Variants in SULF2 observed in about 807,000 individuals in gnomAD.
SULF2 encodes the protein extracellular sulfatase Sulf-2.
Under a neutral mutation model 107.7 loss-of-function variants are expected in SULF2, and 52 were observed. The observed-to-expected ratio is 0.48, with a 90% CI of 0.39 to 0.61. SULF2 has a LOEUF of 0.61. Ranked by LOEUF, SULF2 falls within the 20% of genes least tolerant of loss-of-function variation. The pLI, the probability that SULF2 is intolerant of heterozygous loss-of-function variation, is 0.00. For missense variants in SULF2, 993 were observed against 1,177.3 expected, an observed-to-expected ratio of 0.84 and a Z score of 2.29; for synonymous variants, 460 against 464.3, an observed-to-expected ratio of 0.99 and a Z score of 0.12.
chr20:47,748,808 G>C (rs993400842), intron 2 of SULF2, among the ~76,000 whole-genome samples: 1 of 152,208 alleles, frequency 6.6e-6, no homozygotes, highest in East Asian at 1.9e-4. Flanking sequence ...CTGGGTTCCA[G>C]TAACCTCTTG....
intron 4 of SULF2, among the ~76,000 whole-genome samples, chr20:47,702,105 C>T (rs960629410): frequency 1.2e-4 from 19 of 152,088 alleles, no homozygotes; most frequent in African/African-American, 3.6e-4. Context: ...TCACCTAGGC[C>T]GAAGAGCAGT....
chr20:47,660,855 AG>A (rs1415817718), intron 18 of SULF2, among the ~76,000 whole-genome samples: 1 of 152,186 alleles, frequency 6.6e-6, no homozygotes, highest in Non-Finnish European at 1.5e-5. Flanking sequence ...AACAAAACTC[AG>A]GATTTACCTG....
chr20:47,699,232 C>T (rs946037842), intron 4 of SULF2, among the ~76,000 whole-genome samples: 1 of 152,044 alleles, frequency 6.6e-6, no homozygotes. Flanking sequence ...ATTGGGTCAT[C>T]TGTTTTCATT....
At chr20:47,767,366 C>T (rs1036484027) in intron 1 of SULF2, among the ~76,000 whole-genome samples, 4 of 152,304 alleles carry the variant, frequency 2.6e-5, no homozygotes, top group East Asian at 1.9e-4. Context: ...AGTCTGAGGC[C>T]GGGTGTGGCG....
chr20:47,657,785 T>C lies in SULF2; in HGVS notation c.*577A>G, dbSNP rs879118188. ...GATTACATGTAAATAGTCACATATA[T>C]ACAATGAAGGCAGTTTCTTCAGAGG... On this transcript the variant is annotated 3_prime_UTR_variant, in exon 21 of 21. Coordinates refer to ENST00000688720, the MANE Select transcript of SULF2 (RefSeq NM_001387048.1). The C allele has an allele frequency of 6.5e-6, 1 of 154,238 alleles. No homozygotes were observed. Among genetic ancestry groups the C allele is most frequent in the Non-Finnish European group, 1.4e-5 (1 of 69,356 alleles). The allele number at this position is 154,238 out of a possible 1,614,324, so 9.6% of individuals were successfully genotyped here. A position where few individuals can be genotyped will look rare whatever the true frequency, so the allele number is the denominator to read the frequency against.
chr20:47,666,580 G>A lies in SULF2; in HGVS notation c.1577-92C>T, dbSNP rs954444129. 1.9e-6 allele frequency: 2 copies of A among 1,029,662 alleles called. No homozygotes were observed. Among genetic ancestry groups the A allele is most frequent in the African/African-American group, 1.6e-5 (1 of 63,284 alleles). 63.8% of individuals were successfully genotyped at this position (1,029,662 alleles called of 1,614,324 possible). On this transcript the variant is annotated intron_variant, in intron 11 of 20. Transcript: ENST00000688720. This position sits in a 1 kb window ranked among gnomAD's most constrained non-coding sequence, Gnocchi z 5.4. ...GGGTCCTTCATCAAGATAGGGCCGGGCTTCCAAGCATGAGGCTCAGCTTTG... is the reference window on the plus strand; with the variant it reads ...GGGTCCTTCATCAAGATAGGGCCGGACTTCCAAGCATGAGGCTCAGCTTTG...
chr20:47,713,455 G>A (rs1322252724), intron 3 of SULF2, among the ~76,000 whole-genome samples: 1 of 152,166 alleles, frequency 6.6e-6, no homozygotes, highest in Non-Finnish European at 1.5e-5. Context: ...CGACAGGGTT[G>A]CAGTGTGGCT....
At chr20:47,763,090 C>T (rs1330135330) in intron 1 of SULF2, among the ~76,000 whole-genome samples, 1 of 152,046 alleles carries the variant, frequency 6.6e-6, no homozygotes, top group East Asian at 1.9e-4. Context: ...CGAGAGAGCA[C>T]CCAGTGAACT....
At chr20:47,733,500 C>T (rs4810673) in intron 3 of SULF2, among the ~76,000 whole-genome samples, 52,072 of 152,168 alleles carry the variant, frequency 0.34, 10,645 homozygotes, top group African/African-American at 0.58. Flanking sequence ...GGGCCGGGTG[C>T]GTTGGCTCAT....
At chr20:47,679,099 G>A (rs1372396723) in intron 7 of SULF2, among the ~76,000 whole-genome samples, 2 of 150,306 alleles carry the variant, frequency 1.3e-5, no homozygotes, top group Middle Eastern at 3.4e-3. Flanking sequence ...GAGTGAAGGC[G>A]ACCCCCCCTT....
chr20:47,741,821 A>G (rs2089889634), intron 2 of SULF2, among the ~76,000 whole-genome samples: 1 of 152,234 alleles, frequency 6.6e-6, no homozygotes, highest in Admixed American at 6.5e-5. Flanking sequence ...AAGGGAACGC[A>G]GGGCAGGCCG....
intron 4 of SULF2, among the ~76,000 whole-genome samples, chr20:47,695,767 C>T (rs1049764632): frequency 6.6e-6 from 1 of 152,196 alleles, no homozygotes; most frequent in Non-Finnish European, 1.5e-5. Context: ...CATGTGCCAC[C>T]ATGTCCAGCT....
At chr20:47,777,087 A>G (rs1284235805) in intron 1 of SULF2, among the ~76,000 whole-genome samples, 1 of 152,220 alleles carries the variant, frequency 6.6e-6, no homozygotes, top group Non-Finnish European at 1.5e-5. Context: ...CTTGCTTTTT[A>G]GTGAGGAGAG....
chr20:47,746,897 A>G (rs955518873), intron 2 of SULF2, among the ~76,000 whole-genome samples: 6 of 151,704 alleles, frequency 4.0e-5, no homozygotes, highest in African/African-American at 9.7e-5. Context: ...TGACGAGTTA[A>G]CGGGTGCAGC....
chr20:47,780,909 G>C (rs1465213246), intron 1 of SULF2, among the ~76,000 whole-genome samples: 5 of 152,290 alleles, frequency 3.3e-5, no homozygotes, highest in Non-Finnish European at 2.9e-5. Context: ...AGACAAAGAG[G>C]CCCACGCTCC....
intron 3 of SULF2, among the ~76,000 whole-genome samples, chr20:47,716,437 G>C (rs6122607): frequency 0.14 from 21,658 of 152,048 alleles, 1,782 homozygotes; most frequent in East Asian, 0.25. Context: ...CCCAGGAGGT[G>C]GAGGTTGCAG....
chr20:47,756,882 G>A (rs2090302113), intron 2 of SULF2, among the ~76,000 whole-genome samples: 2 of 152,116 alleles, frequency 1.3e-5, no homozygotes, highest in African/African-American at 4.8e-5. Flanking sequence ...CTGACTTCAG[G>A]TGATCCACCT....
Position 47,678,311 on chromosome 20 carries a change from T to C in SULF2, c.1193+365A>G, listed in dbSNP as rs1331589226. The C allele has an allele frequency of 5.7e-6, 1 of 175,608 alleles. No homozygotes were observed. The highest frequency in any genetic ancestry group is 2.3e-3 in the Middle Eastern group (1 of 436). 10.9% of individuals were successfully genotyped at this position (175,608 alleles called of 1,614,324 possible). On this transcript the variant is annotated intron_variant, in intron 8 of 20. Coordinates refer to ENST00000688720, the MANE Select transcript of SULF2 (RefSeq NM_001387048.1). The surrounding 1 kb of genome is among the most constrained non-coding windows in gnomAD (Gnocchi z 4.5). ...GATGATAATGTCCACCTCGCTGGGT[T>C]ACTGTGAGGATCAAATTCCTAGATT... is the stretch of plus-strand genomic sequence containing the variant.
intron 10 of SULF2, 99 bp from the exon 11 acceptor site, chr20:47,672,492 T>A (rs2087511926): frequency 6.9e-7 from 1 of 1,449,820 alleles, no homozygotes; most frequent in Non-Finnish European, 9.1e-7. Flanking sequence ...TCCCTCTCCC[T>A]GCTTGCATCC....
Sources: gnomAD v4.1 joint callset for allele counts (sites outside exome capture counted in the v4.1 genomes callset) on GRCh38, gnomAD v4.1.1 for gene constraint, Gnocchi (gnomAD v3.1) non-coding constraint, MANE v1.5 for transcripts, NCBI Gene and HGNC (gene_info 2026-07-23, HGNC 2026-07-21) for gene names.